USP48: variants seen among roughly 807,000 people sequenced by gnomAD.
USP48 encodes ubiquitin specific peptidase 48, also known as ubiquitin carboxyl-terminal hydrolase 48.
USP48 carries 43 observed loss-of-function variants against 150.7 expected under a neutral mutation model. The ratio of observed to expected loss-of-function variants is 0.29; its 90% CI spans 0.22 to 0.37. USP48 has a LOEUF of 0.37. USP48 is among the 10% of genes least tolerant of loss of function. The pLI, the probability that USP48 is intolerant of heterozygous loss-of-function variation, is 1.00. For missense variants in USP48, 813 were observed against 1,249.6 expected (o/e 0.65, Z 5.27); for synonymous variants, 396 against 425.9 (o/e 0.93, Z 0.86).
chr1:21,752,904 G>A (rs973667602), intron 4 of USP48, 88 bp downstream of exon 4: 89 of 1,445,316 alleles, frequency 6.2e-5, no homozygotes, highest in Non-Finnish European at 8.1e-5. Context: ...TTTTTAAAAA[G>A]CATTCTACTT....
At chr1:21,721,792 T>C in intron 12 of USP48, 28 bp from the exon 13 acceptor site, 1 of 1,454,564 alleles carries the variant, frequency 6.9e-7, no homozygotes. Context: ...TGAAAGGAAA[T>C]ATATTTCATT....
In USP48 at chr1:21,736,488, T is replaced by G. The variant is rs768429391; in HGVS notation, c.1129A>C (p.Met377Leu). The G allele has an allele frequency of 6.2e-7, 1 of 1,611,970 alleles. No homozygotes were observed. Among genetic ancestry groups the G allele is most frequent in the Non-Finnish European group, 8.5e-7 (1 of 1,179,280 alleles). ...YKFNDEDIEK[M>L]EGKKLQLGIE... is the part of the protein sequence containing the mutation. ...CCTAGTTGTAATTTCTTCCCCTCCATCTTTTCTATGTCTTCATCATTAAAC... is the reference window on the plus strand; with the variant it reads ...CCTAGTTGTAATTTCTTCCCCTCCAGCTTTTCTATGTCTTCATCATTAAAC... Residue 377 changes from methionine (M) to leucine (L), a missense_variant, in exon 9 of 27, where the codon ATG becomes CTG. Met to Leu is a conservative substitution (Grantham distance 15, BLOSUM62 2). Transcript: ENST00000308271.
chr1:21,701,208 T>C (rs2097655225), intron 22 of USP48, among the ~76,000 whole-genome samples: 1 of 148,726 alleles, frequency 6.7e-6, no homozygotes, highest in South Asian at 2.1e-4. Flanking sequence ...CTACTAAAAA[T>C]ATAAAAAATT....
chr1:21,706,886 T>TA lies in USP48; in HGVS notation c.1964-19dup. The stretch of plus-strand genomic sequence containing the variant: ...TAACTCACCTGAGTTTAAAAAAATA[T>TA]ATTTGGAAAAAAAAAAAACAGCTGA... On this transcript the variant is annotated intron_variant, in intron 15 of 26. Coordinates refer to ENST00000308271, the MANE Select transcript of USP48 (RefSeq NM_032236.8). 6.4e-7 allele frequency: 1 copy of TA among 1,568,802 alleles called. No individual in the cohort carries two copies. Among genetic ancestry groups the TA allele is most frequent in the East Asian group, 2.2e-5 (1 of 44,608 alleles).
intron 3 of USP48, among the ~76,000 whole-genome samples, chr1:21,755,931 C>T (rs957944030): frequency 1.3e-5 from 2 of 151,950 alleles, no homozygotes; most frequent in East Asian, 1.9e-4. Context: ...TCTGGGAAGC[C>T]GAGGCGGGTG....
intron 14 of USP48, among the ~76,000 whole-genome samples, chr1:21,719,403 G>C (rs2097713620): frequency 6.6e-6 from 1 of 151,776 alleles, no homozygotes; most frequent in African/African-American, 2.4e-5. Flanking sequence ...TTCCCAAAAA[G>C]TAAGGTAGTG....
chr1:21,738,097 GC>G lies in USP48; in HGVS notation c.992-1473del, dbSNP rs374055723. Reference sequence around the variant, plus strand: ...TTTGAGATGGAGTTTTGCTCATGTTGCCCAGGCTGGAGTGCAATGGCGTGAT... The same window carrying G: ...TTTGAGATGGAGTTTTGCTCATGTTGCCAGGCTGGAGTGCAATGGCGTGAT... On this transcript the variant is annotated intron_variant, in intron 8 of 26. Coordinates refer to ENST00000308271, the MANE Select transcript of USP48 (RefSeq NM_032236.8). Among the ~76,000 whole-genome samples, 909 of 151,998 alleles carry G rather than the reference GC, an allele frequency of 6.0e-3. 13 individuals carry two copies. The highest frequency in any genetic ancestry group is 0.02 in the African/African-American group (823 of 41,492).
At chr1:21,695,549 CTCAACCAAAAA>C (rs1159441815) in intron 22 of USP48, among the ~76,000 whole-genome samples, 8 of 152,110 alleles carry the variant, frequency 5.3e-5, no homozygotes, top group African/African-American at 1.7e-4. Context: ...TAAGACCCAT[CTCAACCAAAAA>C]TTAGCCAGGC....
intron 16 of USP48, 21 bp downstream of exon 16, chr1:21,706,723 G>T (rs2097673755): frequency 1.2e-6 from 2 of 1,610,526 alleles, no homozygotes; most frequent in Non-Finnish European, 8.5e-7. Flanking sequence ...CATTTCCCCA[G>T]ATGTCAGTAG....
chr1:21,715,554 A>G (rs1374500213), intron 14 of USP48, 97 bp from the exon 15 acceptor site: 1 of 651,746 alleles, frequency 1.5e-6, no homozygotes, highest in Non-Finnish European at 2.5e-6. Flanking sequence ...GGAACAAAGA[A>G]AACTTTAAAA....
intron 1 of USP48, among the ~76,000 whole-genome samples, 165 bp from the exon 2 acceptor site, chr1:21,757,948 A>G (rs1162981656): frequency 6.6e-6 from 1 of 152,290 alleles, no homozygotes; most frequent in African/African-American, 2.4e-5. Context: ...GCATGCATAT[A>G]CTGCTGGTAG....
chr1:21,709,578 T>C (rs2097684720), intron 15 of USP48, among the ~76,000 whole-genome samples: 1 of 144,206 alleles, frequency 6.9e-6, no homozygotes, highest in South Asian at 2.3e-4. Flanking sequence ...GTTTCCTTTT[T>C]ATGCTTTAAA....
chr1:21,721,637 C>G lies in USP48; in HGVS notation c.1763+13G>C. ...CTTAGTTTATCATTAACAATGTACA[C>G]TGTGCAACATACCCCTTTACTGCTG... On this transcript the variant is annotated intron_variant, in intron 13 of 26. Coordinates refer to ENST00000308271, the MANE Select transcript of USP48 (RefSeq NM_032236.8). 1 of 1,500,670 alleles carries G rather than the reference C, an allele frequency of 6.7e-7. No individual in the cohort carries two copies. The highest frequency in any genetic ancestry group is 9.1e-7 in the Non-Finnish European group (1 of 1,095,036). 93.0% of individuals were successfully genotyped at this position (1,500,670 alleles called of 1,614,324 possible). A position where few individuals can be genotyped will look rare whatever the true frequency, so the allele number is the denominator to read the frequency against.
chr1:21,704,326 A>G lies in USP48; in HGVS notation c.2451T>C (p.Ile817=), dbSNP rs144003574. 56 of 1,613,954 alleles carry G rather than the reference A, an allele frequency of 3.5e-5. No individual in the cohort carries two copies. The African/African-American group carries it at 6.3e-4, about 18-fold the overall frequency. ...CTCCCACTTCAATTCTCGTGATTTT[A>G]ATTACATGATCCACAACAAAGAGCT... ...IQKLFVVDHV[I]KITRIEVGDV... The change falls in exon 20 of 27, where the codon ATT becomes ATC. Residue 817 remains isoleucine (I), a synonymous_variant. Transcript: ENST00000308271.
At chr1:21,782,020 T>G (rs2097915903) in intron 1 of USP48, 1 of 152,164 alleles carries the variant, frequency 6.6e-6, no homozygotes, top group African/African-American at 2.4e-5. Context: ...CCCAGCGGAA[T>G]GTAAAAACTC....
At chr1:21,757,458 C>G (rs897712212) in intron 2 of USP48, 8 of 420,386 alleles carry the variant, frequency 1.9e-5, no homozygotes, top group Non-Finnish European at 3.3e-5. Flanking sequence ...TAAAGGCTTA[C>G]TGAATTACGC....
At chr1:21,738,050 T>TTTTA (rs990089145) in intron 8 of USP48, among the ~76,000 whole-genome samples, 21 of 151,878 alleles carry the variant, frequency 1.4e-4, no homozygotes, top group South Asian at 6.2e-4. Flanking sequence ...AGGTGTACAT[T>TTTTA]TTTATTTATT....
chr1:21,690,522 CTTTT>C (rs138412134), intron 23 of USP48, among the ~76,000 whole-genome samples: 1 of 148,438 alleles, frequency 6.7e-6, no homozygotes, highest in Admixed American at 6.8e-5. Context: ...TTTTCTTTTT[CTTTT>C]TTTTTTGTTG....
At chr1:21,756,896 G>A in intron 2 of USP48, 194 bp from the exon 3 acceptor site, 1 of 985,350 alleles carries the variant, frequency 1.0e-6, no homozygotes, top group Non-Finnish European at 1.2e-6. Context: ...TTGACCACAG[G>A]AGTGAAAAAG....
Sources: allele counts gnomAD v4.1 joint callset (sites outside exome capture counted in the v4.1 genomes callset), GRCh38; gene constraint gnomAD v4.1.1; transcripts MANE v1.5; gene names NCBI Gene and HGNC (gene_info 2026-07-23, HGNC 2026-07-21).